The following DENND1A variants were observed in gnomAD, a reference collection of about 807,000 sequenced individuals.
DENND1A encodes DENN domain containing 1A, also known as DENN domain-containing protein 1A.
Under a neutral mutation model 113.7 loss-of-function variants are expected in DENND1A, and 51 were observed. The ratio of observed to expected loss-of-function variants is 0.45; its 90% CI spans 0.36 to 0.57. The LOEUF (loss-of-function observed/expected upper bound fraction) is 0.57. Ranked by LOEUF, DENND1A falls within the 20% of genes least tolerant of loss-of-function variation. The pLI is 0.00. For missense variants in DENND1A, 1,258 were observed against 1,395.9 expected (o/e 0.90, Z 1.57); for synonymous variants, 565 against 570.8 (o/e 0.99, Z 0.14).
At chr9:123,396,588 G>A (rs1426485581) in intron 21 of DENND1A, among the ~76,000 whole-genome samples, 1 of 152,236 alleles carries the variant, frequency 6.6e-6, no homozygotes, top group South Asian at 2.1e-4. Flanking sequence ...GGCTTCGGGC[G>A]GGGTTTTCTC....
chr9:123,635,853 T>C (rs902034101), intron 9 of DENND1A, among the ~76,000 whole-genome samples: 3 of 152,216 alleles, frequency 2.0e-5, no homozygotes, highest in Non-Finnish European at 4.4e-5. Context: ...ACATACTTGC[T>C]CCGAGTCTTC....
chr9:123,841,301 C>T (rs889050565), intron 2 of DENND1A, among the ~76,000 whole-genome samples: 1 of 152,142 alleles, frequency 6.6e-6, no homozygotes, highest in African/African-American at 2.4e-5. Flanking sequence ...TTTCTCTTCA[C>T]TCAAACAAAA....
At chr9:123,916,198 T>C (rs542043293) in intron 1 of DENND1A, among the ~76,000 whole-genome samples, 39 of 152,174 alleles carry the variant, frequency 2.6e-4, no homozygotes, top group Non-Finnish European at 3.8e-4. Context: ...GTACTATTGC[T>C]GTCCTACAGA....
At chr9:123,629,282 C>A (rs968753596) in intron 10 of DENND1A, among the ~76,000 whole-genome samples, 2 of 152,242 alleles carry the variant, frequency 1.3e-5, no homozygotes, top group African/African-American at 4.8e-5. Context: ...CAATATCCGG[C>A]ACGCAGTTAG....
At chr9:123,604,847 A>G (rs921108279) in intron 11 of DENND1A, among the ~76,000 whole-genome samples, 2 of 152,220 alleles carry the variant, frequency 1.3e-5, no homozygotes, top group Non-Finnish European at 2.9e-5. Flanking sequence ...TTTCAAAGCC[A>G]TCAGCTTAAC....
chr9:123,926,425 G>A (rs1260710513), intron 1 of DENND1A, among the ~76,000 whole-genome samples: 1 of 152,036 alleles, frequency 6.6e-6, no homozygotes, highest in Non-Finnish European at 1.5e-5. Flanking sequence ...AAATTAGCCA[G>A]GCATGGTGTC....
chr9:123,458,643 T>C (rs563883357), intron 13 of DENND1A, among the ~76,000 whole-genome samples: 41 of 152,286 alleles, frequency 2.7e-4, no homozygotes, highest in African/African-American at 7.7e-4. Flanking sequence ...CGGAACCCTT[T>C]ATTCAGATAG....
At chr9:123,925,837 T>C (rs780079878) in intron 1 of DENND1A, among the ~76,000 whole-genome samples, 4 of 151,084 alleles carry the variant, frequency 2.6e-5, no homozygotes, top group Non-Finnish European at 5.9e-5. Flanking sequence ...TGCCCTGCCC[T>C]GTTCCTATGC....
In DENND1A at chr9:123,652,140, G is replaced by C. The variant is rs373551863; in HGVS notation, c.508-17C>G. On this transcript the variant is annotated splice_polypyrimidine_tract_variant and intron_variant, in intron 8 of 23. Transcript: ENST00000394215. ...CAGATTTCTCTAGGAGAAAGAAGAAGGCACGGTTTGTGGCTGATTTTCTTT... is the reference window on the plus strand; with the variant it reads ...CAGATTTCTCTAGGAGAAAGAAGAACGCACGGTTTGTGGCTGATTTTCTTT... The C allele has an allele frequency of 3.5e-5, 57 of 1,606,154 alleles. No homozygotes were observed. The Middle Eastern group carries it at 6.6e-4, about 19-fold the overall frequency.
intron 8 of DENND1A, among the ~76,000 whole-genome samples, chr9:123,653,201 T>C (rs1305040064): frequency 6.6e-6 from 1 of 152,252 alleles, no homozygotes; most frequent in Non-Finnish European, 1.5e-5. Flanking sequence ...ACTTATCTTA[T>C]AATTTATTAT....
At chr9:123,500,866 T>C (rs1198037998) in intron 13 of DENND1A, among the ~76,000 whole-genome samples, 3 of 152,214 alleles carry the variant, frequency 2.0e-5, no homozygotes, top group Non-Finnish European at 2.9e-5. Context: ...CTCAGAGTGC[T>C]AGAGGGTTGC....
chr9:123,913,127 A>AC (rs1854366718), intron 1 of DENND1A, among the ~76,000 whole-genome samples: 1 of 136,484 alleles, frequency 7.3e-6, no homozygotes, highest in African/African-American at 2.5e-5. Flanking sequence ...AAAAAAAAAA[A>AC]AAAAAAAAAA....
intron 2 of DENND1A, among the ~76,000 whole-genome samples, chr9:123,828,741 T>C (rs550129479): frequency 3.2e-4 from 48 of 151,666 alleles, no homozygotes; most frequent in African/African-American, 1.1e-3. Flanking sequence ...AATGAGATGA[T>C]ATTTTAAAGA....
intron 12 of DENND1A, among the ~76,000 whole-genome samples, chr9:123,565,199 C>G (rs1051482658): frequency 1.3e-5 from 2 of 152,078 alleles, no homozygotes; most frequent in Non-Finnish European, 2.9e-5. Context: ...ACCATGTTGG[C>G]CAGGCTGGTC....
chr9:123,483,031 GCCAGTGATCTGCCAAGGAAGCACTGTGT>G (rs1206254598), intron 13 of DENND1A, among the ~76,000 whole-genome samples: 1 of 152,226 alleles, frequency 6.6e-6, no homozygotes, highest in Non-Finnish European at 1.5e-5. Context: ...TCTCAGTGAG[GCCAGTGATCTGCCAAGGAAGCACTGTGT>G]CCACTGAGGC....
At chr9:123,572,402 A>C (rs973473272) in intron 12 of DENND1A, among the ~76,000 whole-genome samples, 29 of 152,322 alleles carry the variant, frequency 1.9e-4, no homozygotes, top group African/African-American at 6.3e-4. Flanking sequence ...ATACACATAC[A>C]TACGTTTTCC....
At chr9:123,790,056 A>C (rs1832779409) in intron 3 of DENND1A, among the ~76,000 whole-genome samples, 1 of 152,022 alleles carries the variant, frequency 6.6e-6, no homozygotes, top group Non-Finnish European at 1.5e-5. Context: ...ATTATCTCAA[A>C]TATTCCTTAA....
chr9:123,467,042 C>A (rs73575565), intron 13 of DENND1A, among the ~76,000 whole-genome samples: 1 of 151,956 alleles, frequency 6.6e-6, no homozygotes, highest in Non-Finnish European at 1.5e-5. Context: ...CAGAGCAAGA[C>A]GTCTCAGGAA....
chr9:123,414,429 A>G lies in DENND1A; in HGVS notation c.1489-2600T>C, dbSNP rs1216830733. On this transcript the variant is annotated intron_variant, in intron 19 of 23. Transcript: ENST00000394215. ...TCCACCCAGTCTTGGCACTTGGCAG[A>G]TGAAATCATCTCAGTGGAAGGCCGG... is the stretch of plus-strand genomic sequence containing the variant. The G allele has an allele frequency of 1.2e-5, 18 of 1,461,810 alleles. No individual in the cohort carries two copies. The East Asian group carries it at 4.3e-4, about 35-fold the overall frequency. 90.6% of individuals were successfully genotyped at this position (1,461,810 alleles called of 1,614,324 possible).
Sources: gnomAD v4.1 joint callset for allele counts (sites outside exome capture counted in the v4.1 genomes callset) on GRCh38, gnomAD v4.1.1 for gene constraint, MANE v1.5 for transcripts, NCBI Gene and HGNC (gene_info 2026-07-23, HGNC 2026-07-21) for gene names.